Variants in MAN2B1 observed in about 807,000 individuals in gnomAD.
MAN2B1 encodes mannosidase alpha class 2B member 1, also known as lysosomal alpha-mannosidase.
MAN2B1 carries 99 observed loss-of-function variants against 127.5 expected under a neutral mutation model. The observed-to-expected ratio is 0.78, with a 90% CI of 0.66 to 0.92. The LOEUF (loss-of-function observed/expected upper bound fraction) is 0.92. Ranked by LOEUF, MAN2B1 falls within the 40% of genes least tolerant of loss-of-function variation. The pLI, the probability that MAN2B1 is intolerant of heterozygous loss-of-function variation, is 0.00. For synonymous variants in MAN2B1, 573 were observed against 568.8 expected (o/e 1.01, Z -0.11); for missense variants, 1,304 against 1,384.8 (o/e 0.94, Z 0.93).
In MAN2B1 at chr19:12,658,364, G is replaced by A. The variant is rs2024025062; in HGVS notation, c.1110-20C>T. ...ACTGACCTACAGCGGCAGGGGCATT[G>A]AGGGCAGGGTCATGACCCACGGGGC... On this transcript the variant is annotated intron_variant, in intron 8 of 23. Transcript: ENST00000456935. The A allele has an allele frequency of 1.2e-6, 2 of 1,614,126 alleles. No homozygotes were observed.
At position 12,666,720 on chromosome 19, in the gene MAN2B1, T is replaced by C. The variant is rs886054234; in HGVS notation, c.-19A>G. Reference sequence around the variant, plus strand: ...CGCCCATGGCTCAGCAGCTTCCTCCTGGGGTTCCCCGGCCCTGGAAAGGCC... The same window carrying C: ...CGCCCATGGCTCAGCAGCTTCCTCCCGGGGTTCCCCGGCCCTGGAAAGGCC... On this transcript the variant is annotated 5_prime_UTR_variant, in exon 1 of 24. Transcript: ENST00000456935. 5.8e-6 allele frequency: 9 copies of C among 1,546,302 alleles called. No individual in the cohort carries two copies. In the Admixed American group the frequency reaches 1.4e-4, roughly 24 times the overall value.
Position 12,666,719 on chromosome 19 carries a change from C to A in MAN2B1, c.-18G>T. On this transcript the variant is annotated 5_prime_UTR_variant, in exon 1 of 24. In the 5' UTR this introduces an upstream ATG that the reference lacks. Transcript: ENST00000456935. ...GCGCCCATGGCTCAGCAGCTTCCTC[C>A]TGGGGTTCCCCGGCCCTGGAAAGGC... 6.5e-7 allele frequency: 1 copy of A among 1,546,566 alleles called. No individual in the cohort carries two copies. Among genetic ancestry groups the A allele is most frequent in the Non-Finnish European group, 8.7e-7 (1 of 1,146,094 alleles).
chr19:12,649,499 T>TTTTTTTTTTTTTTTTTTTTTG (rs2023788096), intron 18 of MAN2B1, 71 bp from the exon 19 acceptor site: 1 of 729,216 alleles, frequency 1.4e-6, no homozygotes. Context: ...TTTTTTTTTT[T>TTTTTTTTTTTTTTTTTTTTTG]GAGATGGAGT....
chr19:12,657,553 C>T lies in MAN2B1; in HGVS notation c.1312G>A (p.Glu438Lys). The change falls in exon 11 of 24, where the codon GAG (glutamate) becomes AAG (lysine). Residue 438 changes from glutamate (E) to lysine (K), a missense_variant and splice_region_variant. Physicochemically the swap from Glu to Lys is moderately conservative, Grantham distance 56 (BLOSUM62 1). Coordinates refer to ENST00000456935, the MANE Select transcript of MAN2B1 (RefSeq NM_000528.4). The part of the protein sequence containing the change: ...YGSGDSAPLN[E>K]AMAVLQHHDA... ...TGATGCTGGAGCACAGCCATCGCCT[C>T]ATCTGCTCATAGACAATGAGTCCGG... The T allele has an allele frequency of 6.4e-7, 1 of 1,559,610 alleles. No individual in the cohort carries two copies. Among genetic ancestry groups the T allele is most frequent in the Non-Finnish European group, 8.7e-7 (1 of 1,151,786 alleles).
Position 12,647,798 on chromosome 19 carries a change from A to C in MAN2B1, c.2665-200T>G. The stretch of plus-strand genomic sequence containing the variant: ...GGGGAGATGGGTCGGTCCCAAGCTT[A>C]GGGTTCGAGTCCCGATGGAGCAGAA... On this transcript the variant is annotated intron_variant, in intron 21 of 23. Transcript: ENST00000456935. This position sits in a 1 kb window ranked among gnomAD's most constrained non-coding sequence, Gnocchi z 4.9. 1 of 605,516 alleles carries C rather than the reference A, an allele frequency of 1.7e-6. No individual in the cohort carries two copies. Among genetic ancestry groups the C allele is most frequent in the South Asian group, 2.0e-5 (1 of 50,378 alleles). The allele number at this position is 605,516 out of a possible 1,614,324, so 37.5% of individuals were successfully genotyped here.
At position 12,663,371 on chromosome 19, in the gene MAN2B1, G is replaced by C. The variant is rs139218045; in HGVS notation, c.855C>G (p.Pro285=). ...CGACCAGCTCCTTGGCGTTGTACTCGGGGCTGCGAGGGTCCTCCACCAGCG... is the reference window on the plus strand; with the variant it reads ...CGACCAGCTCCTTGGCGTTGTACTCCGGGCTGCGAGGGTCCTCCACCAGCG... ...DQPLVEDPRS[P]EYNAKELVDY... is the part of the protein sequence containing the mutation. The change falls in exon 6 of 24, where the codon CCC becomes CCG. Residue 285 remains proline (P), a synonymous_variant. Coordinates refer to ENST00000456935, the MANE Select transcript of MAN2B1 (RefSeq NM_000528.4). 1.9e-6 allele frequency: 3 copies of C among 1,614,062 alleles called. No homozygotes were observed. The highest frequency in any genetic ancestry group is 2.5e-6 in the Non-Finnish European group (3 of 1,179,988).
Position 12,657,420 on chromosome 19 carries a change from T to C in MAN2B1, c.1419+26A>G, listed in dbSNP as rs1169843980. 17 of 1,539,402 alleles carry C rather than the reference T, an allele frequency of 1.1e-5. No homozygotes were observed. In the East Asian group the frequency reaches 4.2e-4, roughly 38 times the overall value. ...CCGCCCCTTCCTGTCTCCACCCCCG[T>C]GTCTCCCAAGTCTCGCCCCGCGCAC... On this transcript the variant is annotated intron_variant, in intron 11 of 23. Coordinates refer to ENST00000456935, the MANE Select transcript of MAN2B1 (RefSeq NM_000528.4).
chr19:12,661,479 A>T (rs1368182004), intron 6 of MAN2B1, 103 bp from the exon 7 acceptor site: 2 of 814,868 alleles, frequency 2.5e-6, no homozygotes, highest in Non-Finnish European at 4.4e-6. Flanking sequence ...GTGCACAGGC[A>T]TGGGTGGGGG....
chr19:12,657,527 G>C lies in MAN2B1; in HGVS notation c.1338C>G (p.His446Gln), dbSNP rs1306614679. Residue 446 changes from histidine (H) to glutamine (Q), a missense_variant, in exon 11 of 24, where the codon CAC becomes CAG. By Grantham distance (24) the His-to-Gln change is conservative. Transcript: ENST00000456935. ...LNEAMAVLQHHDAVSGTSRQH... is the reference protein window; with the variant it reads ...LNEAMAVLQHQDAVSGTSRQH... ...GGCGGGAGGTGCCGCTGACGGCGTC[G>C]TGATGCTGGAGCACAGCCATCGCCT... The C allele has an allele frequency of 1.3e-6, 2 of 1,565,658 alleles. No homozygotes were observed. The highest frequency in any genetic ancestry group is 1.7e-6 in the Non-Finnish European group (2 of 1,155,636).
rs771163474 is a variant in MAN2B1 at position 12,649,417 on chromosome 19, C to T, written c.2279G>A (p.Arg760Gln). 1.0e-5 allele frequency: 16 copies of T among 1,603,910 alleles called. No homozygotes were observed. Among genetic ancestry groups the T allele is most frequent in the Middle Eastern group, 1.7e-4 (1 of 5,842 alleles). Residue 760 changes from arginine to glutamine, a missense_variant, in exon 19 of 24, where the codon CGA (arginine) becomes CAA (glutamine). Physicochemically the swap from Arg to Gln is conservative, Grantham distance 43. Coordinates refer to ENST00000456935, the MANE Select transcript of MAN2B1 (RefSeq NM_000528.4). ...CGTCTGGTTCAGTTTCCAGGTGGGT[C>T]GATAATCCCGCCTGGGGTTGGGGGT... The part of the protein sequence containing the change: ...REILERRRDY[R>Q]PTWKLNQTEP...
In MAN2B1 at chr19:12,646,602, G is replaced by C; in HGVS notation, c.*18C>G. The C allele has an allele frequency of 6.4e-7, 1 of 1,574,534 alleles. No individual in the cohort carries two copies. The highest frequency in any genetic ancestry group is 2.2e-5 in the East Asian group (1 of 44,686). On this transcript the variant is annotated 3_prime_UTR_variant, in exon 24 of 24. Transcript: ENST00000456935. ...CCGGAGCAGGAGGCTTGGGCTTGGAGGGCCCATCCCAGCAGACCTAACCAT... is the reference window on the plus strand; with the variant it reads ...CCGGAGCAGGAGGCTTGGGCTTGGACGGCCCATCCCAGCAGACCTAACCAT...
At chr19:12,648,463 G>A in intron 20 of MAN2B1, 61 bp from the exon 21 acceptor site, 1 of 1,262,228 alleles carries the variant, frequency 7.9e-7, no homozygotes, top group Non-Finnish European at 1.1e-6. Flanking sequence ...CCTTGGGCCA[G>A]AAACTGGGTA....
In MAN2B1 at chr19:12,664,817, CGA is replaced by C; in HGVS notation, c.603_604del (p.Arg202GlyfsTer20). 2 of 1,613,520 alleles carry C rather than the reference CGA, an allele frequency of 1.2e-6. No homozygotes were observed. Among genetic ancestry groups the C allele is most frequent in the Non-Finnish European group, 1.7e-6 (2 of 1,179,848 alleles). ...CTGCGCAAACAGCGAGGCCTGCTCCCGAGAGTGGCCGAAGGGGTCAATGTGCC... is the reference window on the plus strand; with the variant it reads ...CTGCGCAAACAGCGAGGCCTGCTCCCGAGTGGCCGAAGGGGTCAATGTGCC... On this transcript the variant is annotated frameshift_variant, in exon 4 of 24. Coordinates refer to ENST00000456935, the MANE Select transcript of MAN2B1 (RefSeq NM_000528.4). LOFTEE classifies it high-confidence loss of function.
chr19:12,656,228 G>T, intron 13 of MAN2B1: 1 of 445,240 alleles, frequency 2.2e-6, no homozygotes. Context: ...TCCTGGGGAA[G>T]CGGGGTATTA....
intron 14 of MAN2B1, among the ~76,000 whole-genome samples, chr19:12,653,338 G>A (rs1394324076): frequency 6.6e-6 from 1 of 151,230 alleles, no homozygotes; most frequent in African/African-American, 2.4e-5. Context: ...TTAGAGACAG[G>A]GTTTCACAAT....
chr19:12,660,981 A>G (rs1043480284), intron 7 of MAN2B1: 2 of 377,546 alleles, frequency 5.3e-6, no homozygotes, highest in African/African-American at 4.2e-5. Flanking sequence ...CTGGTCTCGA[A>G]TTCCTGACCT....
At chr19:12,656,177 T>C (rs1252856929) in intron 13 of MAN2B1, 1 of 451,774 alleles carries the variant, frequency 2.2e-6, no homozygotes, top group African/African-American at 2.0e-5. Flanking sequence ...GGGAGGACGT[T>C]TTCTGGAATG....
At position 12,646,696 on chromosome 19, in the gene MAN2B1, G is replaced by A. The variant is rs373174565; in HGVS notation, c.2960C>T (p.Pro987Leu). ...TPHQTPYQLD[P>L]ANITLEPMEI... Reference sequence around the variant, plus strand: ...CATGGGTTCCAGCGTGATGTTGGCCGGGTCCAGCTGGTACGGAGTTTGGTG... The same window carrying A: ...CATGGGTTCCAGCGTGATGTTGGCCAGGTCCAGCTGGTACGGAGTTTGGTG... Residue 987 changes from proline (P) to leucine (L), a missense_variant, in exon 24 of 24, where the codon CCG (proline) becomes CTG (leucine). Pro to Leu is a moderately conservative substitution (Grantham distance 98). Coordinates refer to ENST00000456935, the MANE Select transcript of MAN2B1 (RefSeq NM_000528.4). The A allele has an allele frequency of 1.2e-5, 20 of 1,613,950 alleles. No individual in the cohort carries two copies. Among genetic ancestry groups the A allele is most frequent in the Non-Finnish European group, 1.6e-5 (19 of 1,179,986 alleles).
intron 4 of MAN2B1, 27 bp from the exon 5 acceptor site, chr19:12,663,862 G>A (rs769237368): frequency 6.2e-7 from 1 of 1,613,974 alleles, no homozygotes; most frequent in Admixed American, 1.7e-5. Flanking sequence ...AAAAGGCAGT[G>A]TGAATTAGTG....
Sources: allele counts gnomAD v4.1 joint callset (sites outside exome capture counted in the v4.1 genomes callset), GRCh38; gene constraint gnomAD v4.1.1; non-coding constraint Gnocchi (gnomAD v3.1); transcripts MANE v1.5; gene names NCBI Gene and HGNC (gene_info 2026-07-23, HGNC 2026-07-21).